The following ATOH8 variants were observed in gnomAD, a reference collection of about 807,000 sequenced individuals.
ATOH8 encodes transcription factor ATOH8.
Under a neutral mutation model 21.2 loss-of-function variants are expected in ATOH8, and 9 were observed. That is an observed-to-expected ratio of 0.42 (90% confidence interval 0.26 to 0.74). ATOH8 has a LOEUF of 0.74. Among genes scored for constraint, ATOH8 ranks in the 30% least tolerant of loss-of-function variants. The probability of loss-of-function intolerance (pLI) is 0.24; values close to 1 mark genes in which losing one functional copy is unlikely to be tolerated. For synonymous variants in ATOH8, 253 were observed against 224.0 expected, an observed-to-expected ratio of 1.13 and a Z score of -1.16; for missense variants, 524 against 470.9, an observed-to-expected ratio of 1.11 and a Z score of -1.04.
chr2:85,781,246 G>GCA, intron 2 of ATOH8: 3 of 234,044 alleles, frequency 1.3e-5, no homozygotes, highest in Non-Finnish European at 2.1e-5. Context: ...TCCGTGGAGA[G>GCA]ATTAAGGTGA....
intron 2 of ATOH8, chr2:85,772,841 T>C (rs757359521): frequency 8.8e-6 from 4 of 455,476 alleles, no homozygotes; most frequent in South Asian, 6.2e-5. Context: ...TTAATGTTGT[T>C]TCTTCCTCTT....
chr2:85,774,943 C>A, intron 2 of ATOH8: 1 of 979,870 alleles, frequency 1.0e-6, no homozygotes, highest in Non-Finnish European at 1.2e-6. Context: ...CTCCCTGACC[C>A]CAACCCCAGC....
At chr2:85,760,725 C>T (rs1679845921) in intron 1 of ATOH8, 1 of 152,284 alleles carries the variant, frequency 6.6e-6, no homozygotes, top group Non-Finnish European at 1.5e-5. Flanking sequence ...ATCGTAATAA[C>T]TGCAAGGTGG....
intron 1 of ATOH8, among the ~76,000 whole-genome samples, chr2:85,757,688 T>C (rs919366246): frequency 8.5e-5 from 13 of 152,178 alleles, no homozygotes; most frequent in African/African-American, 3.1e-4. Flanking sequence ...GTTGCTGAAG[T>C]TGTAAAATGG....
intron 2 of ATOH8, among the ~76,000 whole-genome samples, chr2:85,777,755 G>C (rs959242486): frequency 1.3e-5 from 2 of 152,234 alleles, no homozygotes; most frequent in Non-Finnish European, 2.9e-5. Context: ...TGGGCTTCTC[G>C]TCTGTTTTGT....
At chr2:85,778,551 G>A (rs1210966950) in intron 2 of ATOH8, among the ~76,000 whole-genome samples, 1 of 152,202 alleles carries the variant, frequency 6.6e-6, no homozygotes, top group African/African-American at 2.4e-5. Flanking sequence ...CAAGCCACGG[G>A]TGCCCCAGTG....
At chr2:85,767,914 C>T (rs893994209) in intron 2 of ATOH8, among the ~76,000 whole-genome samples, 37 of 152,238 alleles carry the variant, frequency 2.4e-4, no homozygotes, top group Admixed American at 6.5e-5. Context: ...CCATCCAGAC[C>T]TGCTTTGCCC....
chr2:85,769,734 G>A (rs761938240), intron 2 of ATOH8, among the ~76,000 whole-genome samples: 2 of 152,156 alleles, frequency 1.3e-5, no homozygotes, highest in Non-Finnish European at 2.9e-5. Flanking sequence ...GCTGAGCCCA[G>A]GCCTCGGACA....
At chr2:85,761,494 G>A (rs1679870780) in intron 1 of ATOH8, among the ~76,000 whole-genome samples, 1 of 152,174 alleles carries the variant, frequency 6.6e-6, no homozygotes, top group Non-Finnish European at 1.5e-5. Flanking sequence ...GATTGGCCTT[G>A]GCCTCAGCTG....
intron 2 of ATOH8, among the ~76,000 whole-genome samples, chr2:85,777,233 G>C (rs1038223080): frequency 6.6e-6 from 1 of 152,118 alleles, no homozygotes; most frequent in Non-Finnish European, 1.5e-5. Context: ...AGGGCCCCTC[G>C]GTATGGTCTT....
At chr2:85,780,362 C>G (rs2104532496) in intron 2 of ATOH8, 1 of 152,402 alleles carries the variant, frequency 6.6e-6, no homozygotes, top group South Asian at 2.1e-4. Context: ...ACGATTGTTT[C>G]TTACTGATAG....
At position 85,785,301 on chromosome 2, in the gene ATOH8, C is replaced by T. The variant is rs571462155; in HGVS notation, c.961-1584C>T. Reference sequence around the variant, plus strand: ...GTGCCATCCCCACGGGTTTCCTTTCCGCTTCTTAATCCTCCTCCTCAGACT... The same window carrying T: ...GTGCCATCCCCACGGGTTTCCTTTCTGCTTCTTAATCCTCCTCCTCAGACT... On this transcript the variant is annotated intron_variant, in intron 2 of 2. Transcript: ENST00000306279. The surrounding 1 kb of genome is among the most constrained non-coding windows in gnomAD (Gnocchi z 4.1). Among the ~76,000 whole-genome samples, 5 of 152,374 alleles carry T rather than the reference C, an allele frequency of 3.3e-5. No homozygotes were observed. The highest frequency in any genetic ancestry group is 2.6e-4 in the Admixed American group (4 of 15,312).
intron 1 of ATOH8, among the ~76,000 whole-genome samples, chr2:85,757,032 A>T (rs147480796): frequency 3.9e-5 from 6 of 152,236 alleles, no homozygotes; most frequent in Admixed American, 2.6e-4. Context: ...TGTGTATGCA[A>T]TGCAAACACA....
intron 1 of ATOH8, chr2:85,760,610 T>G (rs1679841884): frequency 6.6e-6 from 1 of 152,224 alleles, no homozygotes; most frequent in African/African-American, 2.4e-5. Context: ...GAGAATCACA[T>G]GCTTTTCTGT....
intron 1 of ATOH8, among the ~76,000 whole-genome samples, chr2:85,758,230 ATGGTGCTAAGCT>A (rs1329193365): frequency 1.9e-4 from 29 of 152,258 alleles, no homozygotes; most frequent in African/African-American, 6.8e-4. Flanking sequence ...TGTGCCAGGC[ATGGTGCTAAGCT>A]TGTTATGTGT....
At chr2:85,772,455 G>A (rs966339248) in intron 2 of ATOH8, among the ~76,000 whole-genome samples, 1 of 152,038 alleles carries the variant, frequency 6.6e-6, no homozygotes, top group Middle Eastern at 3.4e-3. Flanking sequence ...CCGAGCGCTC[G>A]CTGGGAAGGC....
intron 2 of ATOH8, chr2:85,774,923 C>T: frequency 1.1e-6 from 1 of 952,006 alleles, no homozygotes; most frequent in East Asian, 1.2e-4. Context: ...CTCAGCTCCT[C>T]CTGAAAGCCC....
In ATOH8 at chr2:85,764,073, G is replaced by A. The variant is rs756110972; in HGVS notation, c.851G>A (p.Arg284Gln). The stretch of plus-strand genomic sequence containing the variant: ...TGTAACTACATCCTGTCCCTGGCGC[G>A]GCTGGCTGACCTTGACTACAGTGCC... Reference protein sequence around the residue: ...IACNYILSLARLADLDYSADH... With the variant: ...IACNYILSLAQLADLDYSADH... The change falls in exon 2 of 3, where the codon CGG becomes CAG. Residue 284 changes from arginine (R) to glutamine (Q), a missense_variant. By Grantham distance (43) the Arg-to-Gln change is conservative. Transcript: ENST00000306279. The A allele has an allele frequency of 2.5e-6, 4 of 1,614,158 alleles. No individual in the cohort carries two copies. Among genetic ancestry groups the A allele is most frequent in the Non-Finnish European group, 2.5e-6 (3 of 1,180,026 alleles).
intron 2 of ATOH8, chr2:85,775,342 C>T: frequency 1.0e-6 from 1 of 968,900 alleles, no homozygotes; most frequent in South Asian, 4.8e-5. Context: ...TGGCAAGGGA[C>T]ATTCCCTTCT....
Sources: allele counts gnomAD v4.1 joint callset (sites outside exome capture counted in the v4.1 genomes callset), GRCh38; gene constraint gnomAD v4.1.1; non-coding constraint Gnocchi (gnomAD v3.1); transcripts MANE v1.5; gene names NCBI Gene and HGNC (gene_info 2026-07-23, HGNC 2026-07-21).